The following SBF2 variants were observed in gnomAD, a reference collection of about 807,000 sequenced individuals.
SBF2 encodes myotubularin-related protein 13.
Under a neutral mutation model 225.2 loss-of-function variants are expected in SBF2, and 112 were observed. That is an observed-to-expected ratio of 0.50 (90% CI 0.43 to 0.58). The LOEUF (loss-of-function observed/expected upper bound fraction) is 0.58. Among genes scored for constraint, SBF2 ranks in the 20% least tolerant of loss-of-function variants. The pLI is 0.00. For synonymous variants in SBF2, 763 were observed against 773.3 expected, an observed-to-expected ratio of 0.99 and a Z score of 0.22; for missense variants, 1,996 against 2,206.2, an observed-to-expected ratio of 0.90 and a Z score of 1.91.
At chr11:10,077,272 T>C (rs1263870606) in intron 2 of SBF2, among the ~76,000 whole-genome samples, 1 of 152,114 alleles carries the variant, frequency 6.6e-6, no homozygotes, top group Non-Finnish European at 1.5e-5. Context: ...AAGCTACCAA[T>C]GACTTTCTTC....
chr11:10,288,534 G>C (rs1012798312), intron 1 of SBF2, among the ~76,000 whole-genome samples: 2 of 152,034 alleles, frequency 1.3e-5, no homozygotes, highest in African/African-American at 4.8e-5. Flanking sequence ...TCAGCAGAGA[G>C]GGCAGCTCCT....
rs147594152 is a variant in SBF2 at position 10,185,659 on chromosome 11, A to G, written c.141+8243T>C. Among the ~76,000 whole-genome samples the G allele has an allele frequency of 4.6e-5, 7 of 151,532 alleles. No individual in the cohort carries two copies. In the East Asian group the frequency reaches 7.8e-4, roughly 17 times the overall value. On this transcript the variant is annotated intron_variant, in intron 2 of 39. Coordinates refer to ENST00000256190, the MANE Select transcript of SBF2 (RefSeq NM_030962.4). Reference sequence around the variant, plus strand: ...TAATAGCAATAATAATGGGCATGCAATAGTATCTTATGGTGGCTTTAATAT... The same window carrying G: ...TAATAGCAATAATAATGGGCATGCAGTAGTATCTTATGGTGGCTTTAATAT...
At chr11:10,106,308 G>A (rs1328582343) in intron 2 of SBF2, among the ~76,000 whole-genome samples, 1 of 152,018 alleles carries the variant, frequency 6.6e-6, no homozygotes, top group Admixed American at 6.5e-5. Context: ...CAGGGGTAAG[G>A]CAATAATCCT....
intron 1 of SBF2, among the ~76,000 whole-genome samples, chr11:10,286,418 A>G (rs1963794117): frequency 6.7e-6 from 1 of 149,274 alleles, no homozygotes; most frequent in Non-Finnish European, 1.5e-5. Flanking sequence ...ATCTCGGCTC[A>G]CTGCGATCTC....
intron 2 of SBF2, chr11:10,149,463 G>GCACA (rs1955061079): frequency 6.6e-6 from 1 of 151,926 alleles, no homozygotes; most frequent in Non-Finnish European, 1.5e-5. Flanking sequence ...ACTACATTTG[G>GCACA]CAAGGTAATG....
intron 16 of SBF2, among the ~76,000 whole-genome samples, chr11:9,896,963 T>C (rs1861317694): frequency 6.6e-6 from 1 of 152,130 alleles, no homozygotes; most frequent in Admixed American, 6.5e-5. Context: ...ATTCCACACA[T>C]GCAAAAAATA....
chr11:10,000,162 T>A (rs1947898201), intron 8 of SBF2, among the ~76,000 whole-genome samples: 1 of 152,230 alleles, frequency 6.6e-6, no homozygotes, highest in South Asian at 2.1e-4. Context: ...AGCCACTTCA[T>A]CCACTGATTT....
intron 2 of SBF2, among the ~76,000 whole-genome samples, chr11:10,143,724 GTTTTT>G (rs200454034): frequency 7.0e-6 from 1 of 143,272 alleles, no homozygotes; most frequent in Non-Finnish European, 1.5e-5. Context: ...TTTTGCTTTT[GTTTTT>G]TTTTTTTAGA....
chr11:10,187,183 C>T (rs938493472), intron 2 of SBF2, among the ~76,000 whole-genome samples: 3 of 152,146 alleles, frequency 2.0e-5, no homozygotes, highest in Admixed American at 1.3e-4. Context: ...ACTACTCTGA[C>T]GACCAACTAC....
At chr11:9,944,483 C>T (rs1295318728) in intron 16 of SBF2, among the ~76,000 whole-genome samples, 2 of 152,162 alleles carry the variant, frequency 1.3e-5, no homozygotes, top group East Asian at 1.9e-4. Context: ...TTTACACACT[C>T]GTGTTTGACT....
chr11:9,954,612 C>G (rs1298247776), intron 16 of SBF2, among the ~76,000 whole-genome samples: 4 of 151,992 alleles, frequency 2.6e-5, no homozygotes, highest in Admixed American at 2.6e-4. Context: ...ATATTAAGTG[C>G]CCCTCAATCC....
intron 17 of SBF2, among the ~76,000 whole-genome samples, chr11:9,892,023 G>A (rs530024127): frequency 3.9e-5 from 6 of 152,194 alleles, no homozygotes; most frequent in Admixed American, 1.3e-4. Context: ...GCTATTATGA[G>A]AGGATGACCA....
chr11:9,900,150 G>GCT (rs1296358613), intron 16 of SBF2, among the ~76,000 whole-genome samples: 10 of 151,236 alleles, frequency 6.6e-5, no homozygotes, highest in African/African-American at 2.4e-4. Flanking sequence ...TTAAAAGAAA[G>GCT]CAGTTGTAGA....
chr11:9,888,583 A>G (rs897590309), intron 17 of SBF2, among the ~76,000 whole-genome samples: 1 of 152,150 alleles, frequency 6.6e-6, no homozygotes, highest in Non-Finnish European at 1.5e-5. Context: ...AAACCATAAC[A>G]ACTTGACTTT....
chr11:10,279,138 G>T (rs1372602606), intron 1 of SBF2, among the ~76,000 whole-genome samples: 1 of 143,924 alleles, frequency 6.9e-6, no homozygotes, highest in Non-Finnish European at 1.5e-5. Flanking sequence ...AAAGCCAGGC[G>T]TGGTGGCTCA....
intron 35 of SBF2, 30 bp downstream of exon 35, chr11:9,789,079 C>T (rs1426703724): frequency 1.3e-6 from 2 of 1,590,396 alleles, no homozygotes; most frequent in Admixed American, 3.3e-5. Flanking sequence ...GCCCCTGGTG[C>T]CCCTAGGTGT....
intron 1 of SBF2, among the ~76,000 whole-genome samples, chr11:10,284,070 A>T (rs1963587467): frequency 6.6e-6 from 1 of 152,202 alleles, no homozygotes; most frequent in Non-Finnish European, 1.5e-5. Flanking sequence ...TATCTTCCTT[A>T]TAGCTTTTTA....
At chr11:9,916,670 T>C (rs1271502962) in intron 16 of SBF2, among the ~76,000 whole-genome samples, 1 of 150,808 alleles carries the variant, frequency 6.6e-6, no homozygotes, top group Non-Finnish European at 1.5e-5. Context: ...CAGTCATGGC[T>C]CACTGCAACC....
In SBF2 at chr11:10,223,399, T is replaced by TTTTATATA. The variant is rs1279386744; in HGVS notation, c.56-29413_56-29412insTATATAAA. Among the ~76,000 whole-genome samples, 270 of 59,156 alleles carry TTTTATATA rather than the reference T, an allele frequency of 4.6e-3. 1 individual carries two copies. The highest frequency in any genetic ancestry group is 7.8e-3 in the Non-Finnish European group (229 of 29,292). The allele number at this position is 59,156 out of a possible 152,430, so 38.8% of individuals were successfully genotyped here. ...CAATAAACAACACATATTTTGCACA[T>TTTTATATA]TATATATATATATATATATATATAT... On this transcript the variant is annotated intron_variant, in intron 1 of 39. Coordinates refer to ENST00000256190, the MANE Select transcript of SBF2 (RefSeq NM_030962.4).
Sources: allele counts gnomAD v4.1 joint callset (sites outside exome capture counted in the v4.1 genomes callset), GRCh38; gene constraint gnomAD v4.1.1; transcripts MANE v1.5; gene names NCBI Gene and HGNC (gene_info 2026-07-23, HGNC 2026-07-21).